The following FNDC3B variants were observed in gnomAD, a reference collection of about 807,000 sequenced individuals.
The protein encoded by FNDC3B is fibronectin type III domain containing 3B.
FNDC3B carries 12 observed loss-of-function variants against 151.5 expected under a neutral mutation model. The ratio of observed to expected loss-of-function variants is 0.08; its 90% CI spans 0.05 to 0.13. The LOEUF (loss-of-function observed/expected upper bound fraction) is 0.13. FNDC3B is among the 10% of genes least tolerant of loss of function. The pLI is 1.00. For synonymous variants in FNDC3B, 528 were observed against 549.0 expected (o/e 0.96, Z 0.54); for missense variants, 1,214 against 1,505.3 (o/e 0.81, Z 3.20).
chr3:172,089,437 C>T (rs543066403), intron 1 of FNDC3B, among the ~76,000 whole-genome samples: 6 of 152,088 alleles, frequency 3.9e-5, no homozygotes, highest in African/African-American at 9.6e-5. Context: ...CACAGCTGTC[C>T]GCAGAGGTTT....
At chr3:172,289,416 A>G (rs910200480) in intron 7 of FNDC3B, among the ~76,000 whole-genome samples, 5 of 93,912 alleles carry the variant, frequency 5.3e-5, no homozygotes, top group Non-Finnish European at 9.2e-5. Context: ...CTTTTGCCAT[A>G]TAAGGTATTC....
chr3:172,338,616 C>T (rs1733115387), intron 16 of FNDC3B, among the ~76,000 whole-genome samples: 2 of 152,198 alleles, frequency 1.3e-5, no homozygotes, highest in Admixed American at 1.3e-4. Context: ...CTAAGGTTTT[C>T]TTTCTAATAA....
Position 172,298,715 on chromosome 3 carries a change from T to C in FNDC3B, c.1002-13T>C. ...ACTGGAATTAGCAACTAATGAATGCTTTTTCTTTACAGTGGAGAAGAATTA... is the reference window on the plus strand; with the variant it reads ...ACTGGAATTAGCAACTAATGAATGCCTTTTCTTTACAGTGGAGAAGAATTA... On this transcript the variant is annotated splice_polypyrimidine_tract_variant and intron_variant, in intron 8 of 25. Coordinates refer to ENST00000415807, the MANE Select transcript of FNDC3B (RefSeq NM_022763.4). 1 of 1,594,806 alleles carries C rather than the reference T, an allele frequency of 6.3e-7. No homozygotes were observed. Among genetic ancestry groups the C allele is most frequent in the Non-Finnish European group, 8.5e-7 (1 of 1,170,760 alleles).
intron 22 of FNDC3B, among the ~76,000 whole-genome samples, chr3:172,357,384 A>AT (rs1734147032): frequency 1.3e-5 from 2 of 152,230 alleles, no homozygotes; most frequent in Admixed American, 1.3e-4. Context: ...AGACCTGCAG[A>AT]TTTTATCTAA....
intron 3 of FNDC3B, among the ~76,000 whole-genome samples, chr3:172,161,995 G>GA (rs889921971): frequency 2.0e-5 from 3 of 151,162 alleles, no homozygotes; most frequent in Non-Finnish European, 4.4e-5. Context: ...TTTTTGGGGG[G>GA]GGACAGAGTC....
intron 3 of FNDC3B, chr3:172,225,354 G>A (rs576994266): frequency 6.0e-6 from 1 of 166,898 alleles, no homozygotes; most frequent in South Asian, 1.5e-4. Flanking sequence ...TTTATTTTTT[G>A]TAGAGATGGG....
At chr3:172,268,140 A>G (rs552794974) in intron 6 of FNDC3B, among the ~76,000 whole-genome samples, 1 of 152,364 alleles carries the variant, frequency 6.6e-6, no homozygotes, top group South Asian at 2.1e-4. Context: ...CATATGAAGT[A>G]CTATTTTAAG....
chr3:172,211,375 G>T (rs536151311), intron 3 of FNDC3B, among the ~76,000 whole-genome samples: 7 of 152,296 alleles, frequency 4.6e-5, no homozygotes, highest in Admixed American at 1.3e-4. Flanking sequence ...GTGTAGGGAA[G>T]AGGTTGACTG....
At chr3:172,309,419 C>A (rs945100890) in intron 10 of FNDC3B, among the ~76,000 whole-genome samples, 1 of 152,148 alleles carries the variant, frequency 6.6e-6, no homozygotes, top group Non-Finnish European at 1.5e-5. Context: ...AGGATATCAT[C>A]AAAGAAACTA....
chr3:172,177,626 CTTTTTT>C lies in FNDC3B; in HGVS notation c.187+44096_187+44101del, dbSNP rs10684671. 1.8e-3 allele frequency among the ~76,000 whole-genome samples: 155 copies of C among 84,848 alleles called. 3 individuals are homozygous for C. The highest frequency in any genetic ancestry group is 7.3e-3 in the African/African-American group (150 of 20,538). The allele number at this position is 84,848 out of a possible 152,430, so 55.7% of individuals were successfully genotyped here. A position where few individuals can be genotyped will look rare whatever the true frequency, so the allele number is the denominator to read the frequency against. Reference sequence around the variant, plus strand: ...AGGAAGGAATCATTTTTACCACCATCTTTTTTTTTTTTTTTTTTTTTGCACAGGGGC... The same window carrying C: ...AGGAAGGAATCATTTTTACCACCATCTTTTTTTTTTTTTTTGCACAGGGGC... On this transcript the variant is annotated intron_variant, in intron 3 of 25. Coordinates refer to ENST00000415807, the MANE Select transcript of FNDC3B (RefSeq NM_022763.4).
At chr3:172,344,056 T>G (rs1363829294) in intron 18 of FNDC3B, 30 bp from the exon 19 acceptor site, 1 of 1,594,450 alleles carries the variant, frequency 6.3e-7, no homozygotes. Flanking sequence ...CACAAAGTGT[T>G]CTAAGATGAA....
intron 3 of FNDC3B, among the ~76,000 whole-genome samples, chr3:172,170,853 A>T (rs1723245649): frequency 6.6e-6 from 1 of 152,220 alleles, no homozygotes; most frequent in African/African-American, 2.4e-5. Context: ...GTTGAAACCA[A>T]GACAATAGAT....
intron 6 of FNDC3B, among the ~76,000 whole-genome samples, chr3:172,260,614 A>G (rs1446758025): frequency 6.6e-6 from 1 of 152,198 alleles, no homozygotes; most frequent in Non-Finnish European, 1.5e-5. Context: ...GCTTGTGAGC[A>G]TGCCCATCAG....
chr3:172,129,241 G>A (rs1720951719), intron 2 of FNDC3B, among the ~76,000 whole-genome samples: 2 of 152,130 alleles, frequency 1.3e-5, no homozygotes. Flanking sequence ...CCAAAGCACT[G>A]GAATTACAGG....
chr3:172,226,737 A>C, intron 3 of FNDC3B, 134 bp from the exon 4 acceptor site: 2 of 585,902 alleles, frequency 3.4e-6, no homozygotes, highest in Non-Finnish European at 3.1e-6. Flanking sequence ...CTTTAAGGCA[A>C]TATATACCAA....
At chr3:172,191,822 G>A (rs906131061) in intron 3 of FNDC3B, among the ~76,000 whole-genome samples, 7 of 152,040 alleles carry the variant, frequency 4.6e-5, no homozygotes, top group African/African-American at 1.2e-4. Context: ...TTTGCAGCAG[G>A]GAAAATGAGG....
chr3:172,096,618 T>C (rs1559963871), intron 1 of FNDC3B, among the ~76,000 whole-genome samples: 1 of 151,866 alleles, frequency 6.6e-6, no homozygotes, highest in African/African-American at 2.4e-5. Flanking sequence ...ATCACTGTTA[T>C]GTATCAAAAA....
chr3:172,176,540 T>TG (rs1723603205), intron 3 of FNDC3B, among the ~76,000 whole-genome samples: 1 of 152,162 alleles, frequency 6.6e-6, no homozygotes, highest in Non-Finnish European at 1.5e-5. Flanking sequence ...GCAGATTTCA[T>TG]GTACAGGAAG....
chr3:172,175,937 G>A (rs55953653), intron 3 of FNDC3B, among the ~76,000 whole-genome samples: 45,158 of 152,052 alleles, frequency 0.3, 6,946 homozygotes, highest in Admixed American at 0.31. Context: ...TGTTTTATAA[G>A]CCTATTTTTG....
Sources: allele counts gnomAD v4.1 joint callset (sites outside exome capture counted in the v4.1 genomes callset), GRCh38; gene constraint gnomAD v4.1.1; transcripts MANE v1.5; gene names NCBI Gene and HGNC (gene_info 2026-07-23, HGNC 2026-07-21).